GRIA1: variants seen among roughly 807,000 people sequenced by gnomAD.
GRIA1 encodes glutamate receptor 1.
A neutral mutation model predicts 99.2 loss-of-function variants in GRIA1; 31 were observed. The ratio of observed to expected loss-of-function variants is 0.31; its 90% confidence interval spans 0.23 to 0.42. The LOEUF is 0.42. Among genes scored for constraint, GRIA1 ranks in the 10% least tolerant of loss-of-function variants. The pLI, the probability that GRIA1 is intolerant of heterozygous loss-of-function variation, is 1.00. For missense variants in GRIA1, 782 were observed against 1,157.5 expected (o/e 0.68, Z 4.71); for synonymous variants, 438 against 432.4 (o/e 1.01, Z -0.16).
chr5:153,724,360 G>A lies in GRIA1; in HGVS notation c.1823+18293G>A, dbSNP rs547951078. Among the ~76,000 whole-genome samples, 317 of 152,020 alleles carry A rather than the reference G, an allele frequency of 2.1e-3. 1 individual carries two copies. Among genetic ancestry groups the A allele is most frequent in the African/African-American group, 6.4e-3 (266 of 41,454 alleles). On this transcript the variant is annotated intron_variant, in intron 11 of 15. Coordinates refer to ENST00000285900, the MANE Select transcript of GRIA1 (RefSeq NM_000827.4). ...AGCACCTCTCCTCCTCCAAAGGAAC[G>A]CAGTTCCTCACCAGCAACGGAACAA...
At chr5:153,659,264 T>TATGCATATATATGC (rs1252490148) in intron 5 of GRIA1, among the ~76,000 whole-genome samples, 1 of 152,246 alleles carries the variant, frequency 6.6e-6, no homozygotes, top group African/African-American at 2.4e-5. Flanking sequence ...TGTATGTACA[T>TATGCATATATATGC]ATGCATATAT....
chr5:153,582,861 C>G (rs967803704), intron 2 of GRIA1, among the ~76,000 whole-genome samples: 1 of 152,094 alleles, frequency 6.6e-6, no homozygotes, highest in African/African-American at 2.4e-5. Flanking sequence ...TTCAGTGGCA[C>G]GATCACAGCT....
At chr5:153,774,851 A>G (rs1301318749) in intron 13 of GRIA1, among the ~76,000 whole-genome samples, 1 of 152,216 alleles carries the variant, frequency 6.6e-6, no homozygotes, top group Non-Finnish European at 1.5e-5. Context: ...TAGTGACAGA[A>G]TGGGGCTTTT....
At chr5:153,773,235 C>T (rs2149622864) in intron 13 of GRIA1, among the ~76,000 whole-genome samples, 1 of 152,302 alleles carries the variant, frequency 6.6e-6, no homozygotes, top group African/African-American at 2.4e-5. Flanking sequence ...GTTAAGTTGC[C>T]TGATCAGGTT....
At chr5:153,736,722 T>G (rs1581568151) in intron 11 of GRIA1, among the ~76,000 whole-genome samples, 2 of 152,324 alleles carry the variant, frequency 1.3e-5, no homozygotes, top group East Asian at 3.9e-4. Context: ...TAGAGTGAAA[T>G]CAGATCGTAC....
At chr5:153,546,603 A>T (rs1165988855) in intron 2 of GRIA1, among the ~76,000 whole-genome samples, 1 of 152,148 alleles carries the variant, frequency 6.6e-6, no homozygotes, top group Non-Finnish European at 1.5e-5. Context: ...AGGTATGGGG[A>T]ACGTCTTACA....
At chr5:153,767,556 C>T (rs1439737231) in intron 12 of GRIA1, among the ~76,000 whole-genome samples, 7 of 152,304 alleles carry the variant, frequency 4.6e-5, no homozygotes, top group South Asian at 4.1e-4. Context: ...ATCTCTGTGA[C>T]TCTGACCTTG....
At chr5:153,787,079 G>A (rs776854553) in intron 13 of GRIA1, among the ~76,000 whole-genome samples, 1 of 152,204 alleles carries the variant, frequency 6.6e-6, no homozygotes. Context: ...CCTTTCATAA[G>A]TTGAGACAAA....
chr5:153,698,424 A>G (rs1758276450), intron 9 of GRIA1, among the ~76,000 whole-genome samples: 1 of 152,170 alleles, frequency 6.6e-6, no homozygotes, highest in Non-Finnish European at 1.5e-5. Flanking sequence ...TAAGAATGAC[A>G]CTAAATTGTG....
In GRIA1 at chr5:153,813,473, G is replaced by A. The variant is rs958900166; in HGVS notation, c.*2248G>A. On this transcript the variant is annotated 3_prime_UTR_variant, in exon 16 of 16. Transcript: ENST00000285900. The stretch of plus-strand genomic sequence containing the variant: ...AAATGAGGGTCTATGCTATGAGGGG[G>A]TCCAAGACTCTGGCGAAATGTGCTT... 13 of 152,192 alleles carry A rather than the reference G, an allele frequency of 8.5e-5. No homozygotes were observed. Among genetic ancestry groups the A allele is most frequent in the Non-Finnish European group, 1.6e-4 (11 of 68,036 alleles). 9.4% of individuals were successfully genotyped at this position (152,192 alleles called of 1,614,324 possible). A position where few individuals can be genotyped will look rare whatever the true frequency, so the allele number is the denominator to read the frequency against.
chr5:153,538,676 C>T (rs1436210534), intron 2 of GRIA1, among the ~76,000 whole-genome samples: 3 of 152,164 alleles, frequency 2.0e-5, no homozygotes, highest in Non-Finnish European at 4.4e-5. Flanking sequence ...TTATGAGTCC[C>T]ACTGCACAGC....
chr5:153,713,540 GAGA>G (rs1164463823), intron 11 of GRIA1, among the ~76,000 whole-genome samples: 1 of 152,226 alleles, frequency 6.6e-6, no homozygotes, highest in African/African-American at 2.4e-5. Context: ...ACAGACCTTT[GAGA>G]AGAAGAGTAG....
upstream of GRIA1, chr5:153,489,752 G>GA (rs767672674): frequency 3.9e-5 from 18 of 456,172 alleles, no homozygotes; most frequent in East Asian, 9.7e-4. Context: ...GCTTACACCA[G>GA]ACATGACCAG....
At chr5:153,779,556 T>TTTTA (rs1321781414) in intron 13 of GRIA1, among the ~76,000 whole-genome samples, 2 of 152,078 alleles carry the variant, frequency 1.3e-5, no homozygotes, top group Non-Finnish European at 2.9e-5. Flanking sequence ...AGAGCCCATT[T>TTTTA]TTTATTTATT....
intron 5 of GRIA1, among the ~76,000 whole-genome samples, chr5:153,666,079 T>C (rs572989702): frequency 1.3e-5 from 2 of 152,214 alleles, no homozygotes; most frequent in African/African-American, 2.4e-5. Context: ...TGGTTCACAA[T>C]AGACTACACA....
intron 11 of GRIA1, among the ~76,000 whole-genome samples, chr5:153,763,658 A>G (rs1486536740): frequency 6.6e-6 from 1 of 152,242 alleles, no homozygotes; most frequent in East Asian, 1.9e-4. Flanking sequence ...ATCCTATCAG[A>G]TCAGAGAGAT....
At chr5:153,790,445 G>A (rs1010143430) in intron 13 of GRIA1, among the ~76,000 whole-genome samples, 5 of 152,036 alleles carry the variant, frequency 3.3e-5, no homozygotes, top group Admixed American at 1.3e-4. Context: ...TCCTAGGTAG[G>A]CATGATGAAA....
At chr5:153,783,180 G>T (rs1013830806) in intron 13 of GRIA1, among the ~76,000 whole-genome samples, 1 of 152,206 alleles carries the variant, frequency 6.6e-6, no homozygotes, top group Non-Finnish European at 1.5e-5. Context: ...TCCTGTTCAC[G>T]CAGTCCTTAG....
intron 2 of GRIA1, among the ~76,000 whole-genome samples, chr5:153,621,992 A>T (rs1873910): frequency 0.22 from 32,932 of 152,158 alleles, 4,196 homozygotes; most frequent in Non-Finnish European, 0.29. Flanking sequence ...GAGCTGCTAA[A>T]CAGAACATGT....
Sources: gnomAD v4.1 joint callset for allele counts (sites outside exome capture counted in the v4.1 genomes callset) on GRCh38, gnomAD v4.1.1 for gene constraint, MANE v1.5 for transcripts, NCBI Gene and HGNC (gene_info 2026-07-23, HGNC 2026-07-21) for gene names.